The following CSMD1 variants were observed in gnomAD, a reference collection of about 807,000 sequenced individuals.
The protein encoded by CSMD1 is CUB and sushi domain-containing protein 1.
In CSMD1, 213 loss-of-function variants were observed where a neutral mutation model predicts 417.5. The observed-to-expected ratio is 0.51, with a 90% CI of 0.46 to 0.57. CSMD1 has a LOEUF of 0.57. Ranked by LOEUF, CSMD1 falls within the 20% of genes least tolerant of loss-of-function variation. The probability of loss-of-function intolerance (pLI) is 0.00; values close to 1 mark genes in which losing one functional copy is unlikely to be tolerated. For missense variants in CSMD1, 6,923 were observed against 4,529.7 expected (o/e 1.53, Z -15.17); for synonymous variants, 2,862 against 1,736.8 (o/e 1.65, Z -16.11).
chr8:3,462,421 C>T (rs535041508), intron 12 of CSMD1, among the ~76,000 whole-genome samples: 183 of 152,282 alleles, frequency 1.2e-3, no homozygotes, highest in African/African-American at 4.3e-3. Context: ...GGAGCATTAC[C>T]ACCTGAGCTC....
chr8:4,738,903 T>TTGTGTG (rs34836566), intron 1 of CSMD1, among the ~76,000 whole-genome samples: 3 of 147,396 alleles, frequency 2.0e-5, no homozygotes, highest in African/African-American at 5.2e-5. Flanking sequence ...TTCTGTGTGT[T>TTGTGTG]TGTGTGTGTG....
chr8:4,273,632 T>C (rs1247087547), intron 3 of CSMD1, among the ~76,000 whole-genome samples: 1 of 152,206 alleles, frequency 6.6e-6, no homozygotes, highest in East Asian at 1.9e-4. Context: ...CTGTATTTTA[T>C]CTAGAAACTC....
intron 3 of CSMD1, among the ~76,000 whole-genome samples, chr8:4,292,845 G>A (rs953997168): frequency 1.1e-4 from 17 of 152,152 alleles, no homozygotes; most frequent in Non-Finnish European, 2.4e-4. Flanking sequence ...CCTAAGAATA[G>A]AGATGGAATA....
At chr8:4,499,488 C>T (rs1357744047) in intron 2 of CSMD1, among the ~76,000 whole-genome samples, 6 of 152,156 alleles carry the variant, frequency 3.9e-5, no homozygotes, top group Non-Finnish European at 8.8e-5. Context: ...TGGTAAATTG[C>T]AAGAACCAGC....
chr8:4,718,189 C>A (rs541687224), intron 1 of CSMD1, among the ~76,000 whole-genome samples: 1 of 152,144 alleles, frequency 6.6e-6, no homozygotes, highest in East Asian at 1.9e-4. Flanking sequence ...GTAGCCCAGG[C>A]TGGTCTCAAA....
At chr8:3,270,619 G>A (rs1801775009) in intron 26 of CSMD1, among the ~76,000 whole-genome samples, 1 of 152,082 alleles carries the variant, frequency 6.6e-6, no homozygotes, top group East Asian at 1.9e-4. Flanking sequence ...TTATTATATA[G>A]GTATAATGTG....
chr8:3,627,205 C>G (rs545475873), intron 7 of CSMD1, among the ~76,000 whole-genome samples: 4 of 152,066 alleles, frequency 2.6e-5, no homozygotes, highest in South Asian at 2.1e-4. Context: ...ATTTTGCAGA[C>G]GCAAAATTGA....
At chr8:4,161,349 T>C (rs1404843771) in intron 3 of CSMD1, among the ~76,000 whole-genome samples, 1 of 152,354 alleles carries the variant, frequency 6.6e-6, no homozygotes, top group African/African-American at 2.4e-5. Context: ...CCGGTCTCTT[T>C]GACTGTAAAA....
chr8:4,303,408 T>A (rs374027416), intron 3 of CSMD1, among the ~76,000 whole-genome samples: 6 of 150,306 alleles, frequency 4.0e-5, no homozygotes, highest in African/African-American at 1.5e-4. Context: ...CATTTATATA[T>A]TGGGCAGGAA....
intron 3 of CSMD1, among the ~76,000 whole-genome samples, chr8:4,067,779 A>G (rs1468775442): frequency 2.6e-5 from 4 of 152,120 alleles, no homozygotes; most frequent in South Asian, 4.1e-4. Context: ...TTTCCTGTAA[A>G]CAGAATTACT....
chr8:3,746,982 C>G (rs1797093408), intron 6 of CSMD1, among the ~76,000 whole-genome samples: 1 of 152,210 alleles, frequency 6.6e-6, no homozygotes, highest in African/African-American at 2.4e-5. Context: ...TAAATTACAG[C>G]TATCCGAAAA....
At chr8:3,175,053 A>G (rs536449894) in intron 37 of CSMD1, among the ~76,000 whole-genome samples, 2 of 152,318 alleles carry the variant, frequency 1.3e-5, no homozygotes, top group South Asian at 2.1e-4. Flanking sequence ...TAGTAGTACT[A>G]TATCACAAAA....
intron 10 of CSMD1, among the ~76,000 whole-genome samples, chr8:3,573,998 C>T (rs1325463081): frequency 6.6e-6 from 1 of 151,782 alleles, no homozygotes; most frequent in Non-Finnish European, 1.5e-5. Context: ...GCCAATGAAA[C>T]ATGATTATGA....
At chr8:3,851,608 A>G (rs1308229160) in intron 5 of CSMD1, among the ~76,000 whole-genome samples, 2 of 152,242 alleles carry the variant, frequency 1.3e-5, no homozygotes, top group East Asian at 1.9e-4. Flanking sequence ...CTCTACTTTC[A>G]CTGGAGAAAA....
At chr8:3,071,529 A>G (rs575511846) in intron 49 of CSMD1, among the ~76,000 whole-genome samples, 2 of 152,310 alleles carry the variant, frequency 1.3e-5, no homozygotes, top group African/African-American at 4.8e-5. Flanking sequence ...ATAAAATGAT[A>G]AAATGTATGT....
At chr8:3,506,333 C>G (rs964587998) in intron 10 of CSMD1, among the ~76,000 whole-genome samples, 1 of 152,146 alleles carries the variant, frequency 6.6e-6, no homozygotes, top group Non-Finnish European at 1.5e-5. Context: ...TCCAAAGAGA[C>G]AAGGAGGCTT....
At chr8:3,741,888 C>T (rs186438537) in intron 6 of CSMD1, among the ~76,000 whole-genome samples, 11 of 152,250 alleles carry the variant, frequency 7.2e-5, no homozygotes, top group African/African-American at 2.4e-4. Context: ...CAATTCCTTA[C>T]CATGTGAGTC....
chr8:4,888,716 A>G (rs2116989768), intron 1 of CSMD1, among the ~76,000 whole-genome samples: 1 of 152,228 alleles, frequency 6.6e-6, no homozygotes, highest in African/African-American at 2.4e-5. Flanking sequence ...TGGCCGGTGC[A>G]GGGAAAGTGC....
intron 5 of CSMD1, among the ~76,000 whole-genome samples, chr8:3,817,555 A>G (rs1801457477): frequency 6.6e-6 from 1 of 152,150 alleles, no homozygotes; most frequent in East Asian, 1.9e-4. Context: ...CAGGGATTGC[A>G]GGCATGAGCC....
Sources: gnomAD v4.1 joint callset for allele counts (sites outside exome capture counted in the v4.1 genomes callset) on GRCh38, gnomAD v4.1.1 for gene constraint, MANE v1.5 for transcripts, NCBI Gene and HGNC (gene_info 2026-07-23, HGNC 2026-07-21) for gene names.